The following SRL variants were observed in gnomAD, a reference collection of about 807,000 sequenced individuals.
SRL encodes the protein sarcalumenin.
A neutral mutation model predicts 39.5 loss-of-function variants in SRL; 23 were observed. That is an observed-to-expected ratio of 0.58 (90% CI 0.42 to 0.82). SRL has a LOEUF of 0.82. Among genes scored for constraint, SRL ranks in the 40% least tolerant of loss-of-function variants. The pLI, the probability that SRL is intolerant of heterozygous loss-of-function variation, is 0.00. For synonymous variants in SRL, 272 were observed against 237.4 expected (o/e 1.15, Z -1.34); for missense variants, 592 against 607.8 (o/e 0.97, Z 0.27).
chr16:4,207,161 G>T (rs778178875), intron 1 of SRL: 43 of 456,688 alleles, frequency 9.4e-5, no homozygotes, highest in Non-Finnish European at 1.3e-4. Flanking sequence ...CCCCATCGCC[G>T]CTGTCCTCTT....
intron 1 of SRL, among the ~76,000 whole-genome samples, chr16:4,206,306 A>C (rs1381222461): frequency 6.6e-6 from 1 of 152,168 alleles, no homozygotes; most frequent in African/African-American, 2.4e-5. Flanking sequence ...CCTAGTCTTC[A>C]AGGGGAGACC....
rs1488630352 is a variant in SRL, at chr16:4,189,597, G to C, written c.*2556C>G. The C allele has an allele frequency of 1.3e-5, 2 of 152,076 alleles. No homozygotes were observed. Among genetic ancestry groups the C allele is most frequent in the African/African-American group, 2.4e-5 (1 of 41,372 alleles). 9.4% of individuals were successfully genotyped at this position (152,076 alleles called of 1,614,324 possible). On this transcript the variant is annotated 3_prime_UTR_variant, in exon 6 of 6. Transcript: ENST00000399609. Reference sequence around the variant, plus strand: ...GCCAGAAACCAGACACTGAGTATCTGTACTGACTGATGGGCAGGCCTGTGA... The same window carrying C: ...GCCAGAAACCAGACACTGAGTATCTCTACTGACTGATGGGCAGGCCTGTGA...
At chr16:4,227,442 T>C (rs993747586) in intron 1 of SRL, among the ~76,000 whole-genome samples, 6 of 150,672 alleles carry the variant, frequency 4.0e-5, no homozygotes, top group Non-Finnish European at 7.4e-5. Context: ...GATGGATGTG[T>C]GGGTGCGTGG....
intron 1 of SRL, among the ~76,000 whole-genome samples, chr16:4,226,047 T>C (rs1428689966): frequency 1.3e-5 from 2 of 152,122 alleles, no homozygotes; most frequent in Non-Finnish European, 2.9e-5. Context: ...CAACCGTCTG[T>C]CTGACTCACT....
intron 1 of SRL, among the ~76,000 whole-genome samples, chr16:4,229,307 G>C (rs1308946075): frequency 6.6e-6 from 1 of 152,090 alleles, no homozygotes; most frequent in Non-Finnish European, 1.5e-5. Context: ...AGCCAAGCGT[G>C]GTGGTGGGGA....
intron 1 of SRL, among the ~76,000 whole-genome samples, chr16:4,237,010 C>A (rs113944968): frequency 1.3e-5 from 2 of 151,704 alleles, no homozygotes; most frequent in South Asian, 4.2e-4. Context: ...AGTGCCATCA[C>A]AGCTCACTGC....
intron 1 of SRL, among the ~76,000 whole-genome samples, chr16:4,223,275 G>T (rs2052551127): frequency 6.6e-6 from 1 of 151,250 alleles, no homozygotes; most frequent in African/African-American, 2.4e-5. Flanking sequence ...CTAACGTTTG[G>T]GGCTCGATGA....
chr16:4,223,785 G>C (rs1181863401), intron 1 of SRL, among the ~76,000 whole-genome samples: 2 of 152,114 alleles, frequency 1.3e-5, no homozygotes, highest in Non-Finnish European at 2.9e-5. Context: ...GCCAATCTAA[G>C]CCCATCTTCC....
chr16:4,205,821 C>G (rs960585209), intron 1 of SRL, among the ~76,000 whole-genome samples: 1 of 151,938 alleles, frequency 6.6e-6, no homozygotes, highest in Non-Finnish European at 1.5e-5. Flanking sequence ...GCCTGTAGTC[C>G]CAGCTACTCA....
At chr16:4,216,391 C>T (rs1198627453) in intron 1 of SRL, among the ~76,000 whole-genome samples, 2 of 152,092 alleles carry the variant, frequency 1.3e-5, no homozygotes, top group African/African-American at 4.8e-5. Flanking sequence ...CCTGCCTCAG[C>T]CTCCTGAGTA....
At chr16:4,239,519 C>T (rs1427042023) in intron 1 of SRL, 1 of 152,332 alleles carries the variant, frequency 6.6e-6, no homozygotes, top group Non-Finnish European at 1.5e-5. Flanking sequence ...AATGCTTTCT[C>T]AGCAGACTTC....
intron 1 of SRL, chr16:4,207,373 C>T (rs747709359): frequency 2.4e-5 from 11 of 456,654 alleles, no homozygotes; most frequent in Middle Eastern, 6.5e-4. Flanking sequence ...CCCTGGTCCT[C>T]GGTGCCCTCA....
At position 4,204,565 on chromosome 16, in the gene SRL, A is replaced by G. The variant is rs371324058; in HGVS notation, c.131T>C (p.Leu44Pro). 3 of 1,614,112 alleles carry G rather than the reference A, an allele frequency of 1.9e-6. No individual in the cohort carries two copies. The highest frequency in any genetic ancestry group is 1.7e-5 in the Admixed American group (1 of 60,024). ...DRSHIEKTLM[L>P]NEDKPSDDYS... ...GTCATCGGATGGCTTGTCCTCATTCAGCATGAGGGTCTTCTCGATGTGGGA... is the reference window on the plus strand; with the variant it reads ...GTCATCGGATGGCTTGTCCTCATTCGGCATGAGGGTCTTCTCGATGTGGGA... The change falls in exon 2 of 6, where the codon CTG (leucine) becomes CCG (proline). Residue 44 changes from leucine (L) to proline (P), a missense_variant. Physicochemically the swap from Leu to Pro is moderately conservative, Grantham distance 98. Transcript: ENST00000399609.
intron 5 of SRL, 83 bp from the exon 6 acceptor site, chr16:4,193,047 G>C: frequency 8.0e-7 from 1 of 1,252,110 alleles, no homozygotes; most frequent in South Asian, 1.5e-5. Context: ...AAACCATTCT[G>C]GGGGTTGAAA....
intron 4 of SRL, among the ~76,000 whole-genome samples, chr16:4,196,247 A>G (rs1270338969): frequency 2.0e-5 from 3 of 152,092 alleles, no homozygotes; most frequent in Admixed American, 6.6e-5. Context: ...GGTGTGGGCC[A>G]TTGCTCCTGG....
chr16:4,213,128 C>G (rs184129657), intron 1 of SRL, among the ~76,000 whole-genome samples: 2 of 152,190 alleles, frequency 1.3e-5, no homozygotes, highest in East Asian at 3.9e-4. Flanking sequence ...AAACCATGTC[C>G]CATGAAGTGC....
intron 2 of SRL, 64 bp from the exon 3 acceptor site, chr16:4,203,325 G>A (rs1326793493): frequency 1.4e-6 from 2 of 1,395,166 alleles, no homozygotes; most frequent in Non-Finnish European, 2.0e-6. Flanking sequence ...CTCCTCCATT[G>A]TGGAGGGGCC....
intron 1 of SRL, among the ~76,000 whole-genome samples, chr16:4,228,881 A>T (rs1286523621): frequency 6.6e-6 from 1 of 152,126 alleles, no homozygotes; most frequent in East Asian, 1.9e-4. Context: ...GGGCTGCCCA[A>T]ACACCCCAGA....
chr16:4,207,613 C>T, intron 1 of SRL: 1 of 444,410 alleles, frequency 2.3e-6, no homozygotes, highest in South Asian at 1.6e-5. Context: ...TCCTGGACTT[C>T]CTCGGGGAGT....
Sources: gnomAD v4.1 joint callset for allele counts (sites outside exome capture counted in the v4.1 genomes callset) on GRCh38, gnomAD v4.1.1 for gene constraint, MANE v1.5 for transcripts, NCBI Gene and HGNC (gene_info 2026-07-23, HGNC 2026-07-21) for gene names.